CADM2: variants seen among roughly 807,000 people sequenced by gnomAD.
CADM2 encodes immunoglobulin superfamily member 4D.
A neutral mutation model predicts 49.8 loss-of-function variants in CADM2; 12 were observed. That is an observed-to-expected ratio of 0.24 (90% confidence interval 0.15 to 0.39). CADM2 has a LOEUF of 0.39. CADM2 is among the 10% of genes least tolerant of loss of function. The probability of loss-of-function intolerance (pLI) is 1.00; values close to 1 mark genes in which losing one functional copy is unlikely to be tolerated. For synonymous variants in CADM2, 214 were observed against 175.4 expected (o/e 1.22, Z -1.74); for missense variants, 378 against 492.3 (o/e 0.77, Z 2.20).
At chr3:85,163,788 T>C (rs1242172993) in intron 1 of CADM2, among the ~76,000 whole-genome samples, 2 of 152,210 alleles carry the variant, frequency 1.3e-5, no homozygotes, top group Middle Eastern at 3.4e-3. Flanking sequence ...TCACATATCA[T>C]ACTATTTACC....
At chr3:85,928,903 A>G (rs2108521722) in intron 6 of CADM2, among the ~76,000 whole-genome samples, 2 of 152,274 alleles carry the variant, frequency 1.3e-5, no homozygotes, top group South Asian at 4.1e-4. Context: ...ATGTGGATAT[A>G]TTACAAATAT....
rs1235295702 is a variant in CADM2, at chr3:86,070,073, TGA to T, written c.*3291_*3292del. The T allele has an allele frequency of 4.6e-5, 7 of 152,104 alleles. No individual in the cohort carries two copies. The South Asian group carries it at 1.2e-3, about 27-fold the overall frequency. 9.4% of individuals were successfully genotyped at this position (152,104 alleles called of 1,614,324 possible). A position where few individuals can be genotyped will look rare whatever the true frequency, so the allele number is the denominator to read the frequency against. ...AATCCAAGAAGCAGTTTAAGGAACCTGATATTGGAGTTTAATCTAGAAACTGG... is the reference window on the plus strand; with the variant it reads ...AATCCAAGAAGCAGTTTAAGGAACCTTATTGGAGTTTAATCTAGAAACTGG... On this transcript the variant is annotated 3_prime_UTR_variant, in exon 10 of 10. Transcript: ENST00000383699.
chr3:85,769,811 T>C (rs192649372), intron 2 of CADM2, among the ~76,000 whole-genome samples: 2 of 151,320 alleles, frequency 1.3e-5, no homozygotes, highest in African/African-American at 2.4e-5. Flanking sequence ...GTAGAAAATA[T>C]AGTATTTTGT....
chr3:85,808,159 A>G (rs1438658323), intron 3 of CADM2, among the ~76,000 whole-genome samples: 1 of 152,202 alleles, frequency 6.6e-6, no homozygotes, highest in African/African-American at 2.4e-5. Flanking sequence ...CAGCCTAAGT[A>G]TGAAGTCTTT....
chr3:85,683,413 C>T (rs2066097518), intron 1 of CADM2, among the ~76,000 whole-genome samples: 1 of 152,148 alleles, frequency 6.6e-6, no homozygotes, highest in Admixed American at 6.5e-5. Flanking sequence ...TGTCATAGAG[C>T]TGTGTGAATC....
intron 1 of CADM2, among the ~76,000 whole-genome samples, chr3:85,359,666 A>ATATATATATATATATATATATATATATAT: frequency 3.8e-5 from 1 of 26,554 alleles, no homozygotes; most frequent in Non-Finnish European, 8.1e-5. Flanking sequence ...ATATATATAT[A>ATATATATATATATATATATATATATATAT]TTTTTTTTTT....
chr3:85,579,555 A>G (rs992961972), intron 1 of CADM2, among the ~76,000 whole-genome samples: 3 of 152,178 alleles, frequency 2.0e-5, no homozygotes, highest in Admixed American at 1.3e-4. Context: ...GTTTGTTAAC[A>G]TGCAATGAAA....
At chr3:84,998,293 T>A (rs1258700947) in intron 1 of CADM2, among the ~76,000 whole-genome samples, 3 of 152,136 alleles carry the variant, frequency 2.0e-5, no homozygotes, top group Non-Finnish European at 1.5e-5. Context: ...TAATTTTGCA[T>A]TCATATTTTA....
intron 1 of CADM2, among the ~76,000 whole-genome samples, chr3:85,435,683 T>C (rs1266135015): frequency 1.3e-5 from 2 of 152,140 alleles, no homozygotes; most frequent in African/African-American, 4.8e-5. Flanking sequence ...CATCTGTTGT[T>C]TCCTGAATTT....
intron 2 of CADM2, among the ~76,000 whole-genome samples, chr3:85,790,086 G>A (rs995170707): frequency 6.6e-6 from 1 of 152,124 alleles, no homozygotes; most frequent in Non-Finnish European, 1.5e-5. Context: ...TGATATGGCC[G>A]AGTAAAACAA....
intron 1 of CADM2, among the ~76,000 whole-genome samples, chr3:85,534,638 A>C (rs908021153): frequency 1.3e-5 from 2 of 152,184 alleles, no homozygotes; most frequent in Admixed American, 6.5e-5. Context: ...AATATTTACT[A>C]TCTGGCCCTT....
intron 1 of CADM2, among the ~76,000 whole-genome samples, chr3:85,346,213 T>C (rs984481576): frequency 2.0e-5 from 3 of 152,160 alleles, no homozygotes; most frequent in African/African-American, 7.2e-5. Context: ...ATTGAACCCT[T>C]TATTAAAACT....
chr3:85,922,000 G>C (rs1719179873), intron 6 of CADM2, among the ~76,000 whole-genome samples: 3 of 152,094 alleles, frequency 2.0e-5, no homozygotes, highest in Admixed American at 2.0e-4. Context: ...GTACCTTACT[G>C]TTTTGAGTAC....
chr3:85,799,835 G>T (rs551895708), intron 2 of CADM2, among the ~76,000 whole-genome samples: 1 of 152,298 alleles, frequency 6.6e-6, no homozygotes, highest in African/African-American at 2.4e-5. Context: ...CTGCTGGGAG[G>T]TGTCTCCACC....
chr3:86,064,101 A>C lies in CADM2; in HGVS notation c.971-1504A>C, dbSNP rs143909933. 3.0e-3 allele frequency among the ~76,000 whole-genome samples: 462 copies of C among 151,976 alleles called. 3 individuals carry two copies. The highest frequency in any genetic ancestry group is 1.0e-2 in the African/African-American group (413 of 41,436). On this transcript the variant is annotated intron_variant, in intron 8 of 9. Coordinates refer to ENST00000383699, the MANE Select transcript of CADM2 (RefSeq NM_001167675.2). The stretch of plus-strand genomic sequence containing the variant: ...TTTAAGTTCTAGGGTACATGTGCAC[A>C]ATGTGCAGGTTTGTTCCATATGTAT...
chr3:85,140,377 G>A (rs192111557), intron 1 of CADM2, among the ~76,000 whole-genome samples: 1 of 151,664 alleles, frequency 6.6e-6, no homozygotes, highest in African/African-American at 2.4e-5. Flanking sequence ...GCATTGAGTA[G>A]GTCAAAAAAA....
intron 1 of CADM2, among the ~76,000 whole-genome samples, chr3:85,404,615 T>C (rs1400326317): frequency 6.6e-6 from 1 of 152,164 alleles, no homozygotes; most frequent in Non-Finnish European, 1.5e-5. Context: ...TAACGGAAGG[T>C]AATCTTTTAA....
At chr3:85,984,376 T>A (rs1433861650) in intron 8 of CADM2, among the ~76,000 whole-genome samples, 1 of 151,584 alleles carries the variant, frequency 6.6e-6, no homozygotes. Context: ...TAATTTTAAT[T>A]TCATAATAAA....
chr3:85,600,225 A>T (rs182120002), intron 1 of CADM2, among the ~76,000 whole-genome samples: 1 of 151,944 alleles, frequency 6.6e-6, no homozygotes, highest in Admixed American at 6.6e-5. Context: ...CACAATAATC[A>T]TAGAATTCTA....
Sources: gnomAD v4.1 joint callset for allele counts (sites outside exome capture counted in the v4.1 genomes callset) on GRCh38, gnomAD v4.1.1 for gene constraint, MANE v1.5 for transcripts, NCBI Gene and HGNC (gene_info 2026-07-23, HGNC 2026-07-21) for gene names.